The following VCAN variants were observed in gnomAD, a reference collection of about 807,000 sequenced individuals.
VCAN encodes the protein versican core protein.
In VCAN, 44 loss-of-function variants were observed where a neutral mutation model predicts 245.5. That is an observed-to-expected ratio of 0.18 (90% CI 0.14 to 0.23). VCAN has a LOEUF of 0.23. Ranked by LOEUF, VCAN falls within the 10% of genes least tolerant of loss-of-function variation. The pLI is 1.00. For missense variants in VCAN, 3,793 were observed against 4,057.9 expected (o/e 0.93, Z 1.77); for synonymous variants, 1,413 against 1,437.0 (o/e 0.98, Z 0.38).
chr5:83,480,655 C>T (rs925790079), intron 1 of VCAN, among the ~76,000 whole-genome samples: 1 of 152,206 alleles, frequency 6.6e-6, no homozygotes, highest in Non-Finnish European at 1.5e-5. Context: ...GAATAAAGTA[C>T]TAGCTCTGCC....
chr5:83,499,517 C>G (rs1745265680), intron 5 of VCAN, among the ~76,000 whole-genome samples: 2 of 152,080 alleles, frequency 1.3e-5, no homozygotes, highest in South Asian at 4.1e-4. Flanking sequence ...CTTTATTTAC[C>G]AAATTCAAAA....
intron 5 of VCAN, among the ~76,000 whole-genome samples, chr5:83,499,467 C>T (rs1745263764): frequency 6.6e-6 from 1 of 152,050 alleles, no homozygotes; most frequent in Non-Finnish European, 1.5e-5. Context: ...CTTCCACCAC[C>T]ACCTTTCCAT....
chr5:83,522,532 G>A (rs1186192762), intron 7 of VCAN, among the ~76,000 whole-genome samples: 1 of 152,192 alleles, frequency 6.6e-6, no homozygotes, highest in Non-Finnish European at 1.5e-5. Flanking sequence ...GTCATAAGAA[G>A]CCCTGCTTTG....
At chr5:83,512,470 A>G in intron 6 of VCAN, 74 bp downstream of exon 6, 1 of 1,527,268 alleles carries the variant, frequency 6.5e-7, no homozygotes. Context: ...ATGTTCAACT[A>G]GCCGTTGGAG....
intron 12 of VCAN, among the ~76,000 whole-genome samples, chr5:83,555,713 C>T (rs1413191655): frequency 6.6e-6 from 1 of 152,120 alleles, no homozygotes; most frequent in Non-Finnish European, 1.5e-5. Context: ...ACTAGTGGTA[C>T]TCAGTGCTGG....
chr5:83,512,556 C>A, intron 6 of VCAN, 160 bp downstream of exon 6: 2 of 935,312 alleles, frequency 2.1e-6, no homozygotes, highest in Non-Finnish European at 3.1e-6. Context: ...AACTGAACAG[C>A]AGTGATATGG....
rs746485569 is a variant in VCAN at position 83,541,895 on chromosome 5, T to A, written c.8892T>A (p.Asp2964Glu). Residue 2964 changes from aspartate to glutamate, a missense_variant, in exon 8 of 15, where the codon GAT (aspartate) becomes GAA (glutamate). Physicochemically the swap from Asp to Glu is conservative, Grantham distance 45 (BLOSUM62 2). Coordinates refer to ENST00000265077, the MANE Select transcript of VCAN (RefSeq NM_004385.5). ...PEAGTVITTA[D>E]EIELEGATQW... ...CTGGAACTGTTATTACAACTGCCGA[T>A]GAAATTGAATTAGAAGGTGCTACAC... 21 of 1,613,980 alleles carry A rather than the reference T, an allele frequency of 1.3e-5. No homozygotes were observed. The highest frequency in any genetic ancestry group is 1.6e-5 in the Non-Finnish European group (19 of 1,180,008).
chr5:83,561,377 A>G (rs905876258), intron 12 of VCAN, among the ~76,000 whole-genome samples: 5 of 152,190 alleles, frequency 3.3e-5, no homozygotes, highest in African/African-American at 1.2e-4. Context: ...AACTAAAAAA[A>G]AAACTAATTG....
At position 83,493,568 on chromosome 5, in the gene VCAN, G is replaced by A. The variant is rs142013663; in HGVS notation, c.468G>A (p.Ala156=). The A allele has an allele frequency of 1.3e-5, 21 of 1,613,418 alleles. No homozygotes were observed. The highest frequency in any genetic ancestry group is 1.1e-4 in the African/African-American group (8 of 74,886). Residue 156 remains alanine (A), a synonymous_variant, in exon 4 of 15, where the codon GCG becomes GCA. Transcript: ENST00000265077. Reference sequence around the variant, plus strand: ...CAGGGGTTGTGTTTCACTACAGGGCGGCAACCAGCAGGTACACACTGAATT... The same window carrying A: ...CAGGGGTTGTGTTTCACTACAGGGCAGCAACCAGCAGGTACACACTGAATT... ...TVDGVVFHYR[A]ATSRYTLNFE... is the part of the protein sequence containing the mutation.
At chr5:83,565,218 G>T (rs574466763) in intron 12 of VCAN, among the ~76,000 whole-genome samples, 2 of 152,306 alleles carry the variant, frequency 1.3e-5, no homozygotes, top group South Asian at 4.1e-4. Context: ...GGACAGCTCA[G>T]TTTTCCCATC....
intron 10 of VCAN, among the ~76,000 whole-genome samples, chr5:83,550,087 G>C (rs1268721487): frequency 1.3e-5 from 2 of 152,216 alleles, no homozygotes; most frequent in Non-Finnish European, 2.9e-5. Context: ...TAGAGAGGCA[G>C]TTCTGGCTGC....
rs1336061557 is a variant in VCAN at position 83,548,018 on chromosome 5, G to A, written c.9427G>A (p.Val3143Ile). The A allele has an allele frequency of 1.2e-6, 2 of 1,614,056 alleles. No individual in the cohort carries two copies. The highest frequency in any genetic ancestry group is 1.7e-4 in the Middle Eastern group (1 of 6,060). ...TCCCTGTCGTAATGGAGCCACTTGT[G>A]TTGATGGTTTTAACACATTCAGGTG... ...SNPCRNGATC[V>I]DGFNTFRCLC... is the part of the protein sequence containing the mutation. Residue 3143 changes from valine (V) to isoleucine (I), a missense_variant, in exon 10 of 15, where the codon GTT becomes ATT. Coordinates refer to ENST00000265077, the MANE Select transcript of VCAN (RefSeq NM_004385.5).
intron 5 of VCAN, among the ~76,000 whole-genome samples, chr5:83,506,081 G>A (rs1418123554): frequency 2.0e-5 from 3 of 152,190 alleles, no homozygotes; most frequent in Non-Finnish European, 4.4e-5. Context: ...GGGCCTCCAG[G>A]CCTATGATGG....
At position 83,539,177 on chromosome 5, in the gene VCAN, C is replaced by A. The variant is rs1451311178; in HGVS notation, c.6174C>A (p.Ser2058=). The change falls in exon 8 of 15, where the codon TCC becomes TCA. Residue 2058 remains serine (S), a synonymous_variant. Transcript: ENST00000265077. The part of the protein sequence containing the change: ...VGTVNEIDRR[S]TILPTAEVEG... ...CTGTCAATGAAATTGATAGAAGATCCACCATTTTACCAACAGCAGAAGTGG... is the reference window on the plus strand; with the variant it reads ...CTGTCAATGAAATTGATAGAAGATCAACCATTTTACCAACAGCAGAAGTGG... 2 of 1,613,818 alleles carry A rather than the reference C, an allele frequency of 1.2e-6. No individual in the cohort carries two copies. Among genetic ancestry groups the A allele is most frequent in the African/African-American group, 2.7e-5 (2 of 74,906 alleles).
chr5:83,523,841 A>G (rs1746192181), intron 7 of VCAN, among the ~76,000 whole-genome samples: 1 of 152,146 alleles, frequency 6.6e-6, no homozygotes, highest in Admixed American at 6.5e-5. Context: ...ATGAATTGCC[A>G]GTAAGTCGGA....
intron 5 of VCAN, among the ~76,000 whole-genome samples, chr5:83,508,745 G>A (rs79199511): frequency 0.023 from 3,425 of 152,182 alleles, 57 homozygotes; most frequent in Middle Eastern, 0.044. Flanking sequence ...ATTGATTCTG[G>A]TTAAATCTTC....
At chr5:83,570,552 T>G (rs1488555169) in intron 12 of VCAN, among the ~76,000 whole-genome samples, 1 of 152,150 alleles carries the variant, frequency 6.6e-6, no homozygotes, top group Non-Finnish European at 1.5e-5. Context: ...CATCCTCTAG[T>G]ATATTAATTA....
chr5:83,490,954 C>G (rs1265822667), intron 3 of VCAN, among the ~76,000 whole-genome samples: 1 of 152,022 alleles, frequency 6.6e-6, no homozygotes, highest in Non-Finnish European at 1.5e-5. Context: ...TTAGGAAATT[C>G]TATCTTAACT....
chr5:83,546,398 G>A (rs622134), intron 9 of VCAN, among the ~76,000 whole-genome samples: 69,500 of 151,814 alleles, frequency 0.46, 16,152 homozygotes, highest in Admixed American at 0.5. Context: ...CTCACCAATA[G>A]CACTTTAAAT....
Sources: allele counts gnomAD v4.1 joint callset (sites outside exome capture counted in the v4.1 genomes callset), GRCh38; gene constraint gnomAD v4.1.1; transcripts MANE v1.5; gene names NCBI Gene and HGNC (gene_info 2026-07-23, HGNC 2026-07-21).